The following CISD2 variants were observed in gnomAD, a reference collection of about 807,000 sequenced individuals.
CISD2 encodes the protein CDGSH iron sulfur domain 2, also known as CDGSH iron-sulfur domain-containing protein 2.
A neutral mutation model predicts 12.9 loss-of-function variants in CISD2; 1 was observed. The ratio of observed to expected loss-of-function variants is 0.08; its 90% CI spans 0.03 to 0.37. CISD2 has a LOEUF of 0.37. Among genes scored for constraint, CISD2 ranks in the 10% least tolerant of loss-of-function variants. The pLI is 0.99. For synonymous variants in CISD2, 50 were observed against 60.6 expected, an observed-to-expected ratio of 0.83 and a Z score of 0.81; for missense variants, 97 against 163.1, an observed-to-expected ratio of 0.59 and a Z score of 2.21.
chr4:102,876,529 C>G (rs1733596653), intron 1 of CISD2, among the ~76,000 whole-genome samples: 1 of 152,158 alleles, frequency 6.6e-6, no homozygotes, highest in South Asian at 2.1e-4. Flanking sequence ...GTGGGCAGAT[C>G]ATGAGGTCAG....
chr4:102,891,944 T>C lies in CISD2; in HGVS notation c.*4514T>C, dbSNP rs1179705949. ...GTATAGAATATGCCCAAAGCTGTTT[T>C]GTTTTGTTTTAACTATGCTTCATCA... On this transcript the variant is annotated 3_prime_UTR_variant, in exon 3 of 3. Transcript: ENST00000273986. 6.6e-6 allele frequency: 1 copy of C among 152,216 alleles called. No homozygotes were observed. The highest frequency in any genetic ancestry group is 1.9e-4 in the East Asian group (1 of 5,198). The allele number at this position is 152,216 out of a possible 1,614,324, so 9.4% of individuals were successfully genotyped here. A position where few individuals can be genotyped will look rare whatever the true frequency, so the allele number is the denominator to read the frequency against.
At chr4:102,880,817 A>T (rs1456160554) in intron 1 of CISD2, among the ~76,000 whole-genome samples, 2 of 151,856 alleles carry the variant, frequency 1.3e-5, no homozygotes, top group Non-Finnish European at 2.9e-5. Flanking sequence ...ACACGGTGAA[A>T]CCCCATCTCT....
intron 1 of CISD2, among the ~76,000 whole-genome samples, chr4:102,880,988 C>T (rs1200789442): frequency 7.0e-6 from 1 of 143,300 alleles, no homozygotes; most frequent in Non-Finnish European, 1.5e-5. Context: ...GAGACGCTGT[C>T]TCAAAAAAAA....
At chr4:102,880,890 G>T (rs900126119) in intron 1 of CISD2, among the ~76,000 whole-genome samples, 2 of 151,332 alleles carry the variant, frequency 1.3e-5, no homozygotes, top group Non-Finnish European at 2.9e-5. Context: ...TACTCGGGAG[G>T]TCACTGAGGC....
chr4:102,885,317 A>G lies in CISD2; in HGVS notation c.205A>G (p.Ser69Gly). The stretch of plus-strand genomic sequence containing the variant: ...CCCGAAGAAGAAACAACAGAAGGAT[A>G]GCTTGATTAATCTTAAAATACAAAA... Reference protein sequence around the residue: ...FLPKKKQQKDSLINLKIQKEN... With the variant: ...FLPKKKQQKDGLINLKIQKEN... The change falls in exon 2 of 3, where the codon AGC becomes GGC. Residue 69 changes from serine (S) to glycine (G), a missense_variant. Physicochemically the swap from Ser to Gly is moderately conservative, Grantham distance 56. Around this residue, in one of 2 missense-constraint regions of CISD2, gnomAD observed 89 missense variants for 114.4 expected, o/e 0.78. Coordinates refer to ENST00000273986, the MANE Select transcript of CISD2 (RefSeq NM_001008388.5). The G allele has an allele frequency of 6.2e-7, 1 of 1,614,068 alleles. No individual in the cohort carries two copies. Among genetic ancestry groups the G allele is most frequent in the Non-Finnish European group, 8.5e-7 (1 of 1,179,906 alleles).
intron 1 of CISD2, among the ~76,000 whole-genome samples, chr4:102,880,653 G>T (rs1299995236): frequency 6.6e-6 from 1 of 151,778 alleles, no homozygotes; most frequent in Non-Finnish European, 1.5e-5. Flanking sequence ...ACATCAGCCT[G>T]GGTGACAGAG....
intron 1 of CISD2, chr4:102,874,676 G>C (rs1447500394): frequency 2.0e-5 from 3 of 152,162 alleles, no homozygotes; most frequent in Non-Finnish European, 4.4e-5. Flanking sequence ...AGAACTGTGA[G>C]TGAATACGTT....
At chr4:102,875,778 T>C (rs1458784260) in intron 1 of CISD2, among the ~76,000 whole-genome samples, 2 of 152,222 alleles carry the variant, frequency 1.3e-5, no homozygotes, top group Non-Finnish European at 2.9e-5. Flanking sequence ...AATGCATTAA[T>C]AGTTTGAATT....
chr4:102,892,178 C>T lies in CISD2; in HGVS notation c.*4748C>T, dbSNP rs1414107526. 1.3e-5 allele frequency: 2 copies of T among 152,214 alleles called. No individual in the cohort carries two copies. Among genetic ancestry groups the T allele is most frequent in the African/African-American group, 4.8e-5 (2 of 41,428 alleles). The allele number at this position is 152,214 out of a possible 1,614,324, so 9.4% of individuals were successfully genotyped here. A position where few individuals can be genotyped will look rare whatever the true frequency, so the allele number is the denominator to read the frequency against. Reference sequence around the variant, plus strand: ...TGCTCAAGCGATCCTCCCACCTCAGCCTCCCAAGTAGCTGAGACTACAGTC... The same window carrying T: ...TGCTCAAGCGATCCTCCCACCTCAGTCTCCCAAGTAGCTGAGACTACAGTC... On this transcript the variant is annotated 3_prime_UTR_variant, in exon 3 of 3. Coordinates refer to ENST00000273986, the MANE Select transcript of CISD2 (RefSeq NM_001008388.5).
chr4:102,873,139 A>G (rs551622031), intron 1 of CISD2, among the ~76,000 whole-genome samples: 1 of 152,196 alleles, frequency 6.6e-6, no homozygotes, highest in Non-Finnish European at 1.5e-5. Context: ...TAATCCAATT[A>G]CCTCCACCTG....
rs1252798971 is a variant in CISD2, at chr4:102,891,202, T to A, written c.*3772T>A. On this transcript the variant is annotated 3_prime_UTR_variant, in exon 3 of 3. Coordinates refer to ENST00000273986, the MANE Select transcript of CISD2 (RefSeq NM_001008388.5). ...TTGAAAAAGTCTTCTTTTTAAAAAATTTTTAATGGTAGAGGCAGCAGCTAC... is the reference window on the plus strand; with the variant it reads ...TTGAAAAAGTCTTCTTTTTAAAAAAATTTTAATGGTAGAGGCAGCAGCTAC... 6.8e-6 allele frequency: 1 copy of A among 146,942 alleles called. No individual in the cohort carries two copies. Among genetic ancestry groups the A allele is most frequent in the Non-Finnish European group, 1.5e-5 (1 of 67,906 alleles). 9.1% of individuals were successfully genotyped at this position (146,942 alleles called of 1,614,324 possible). A position where few individuals can be genotyped will look rare whatever the true frequency, so the allele number is the denominator to read the frequency against.
At chr4:102,871,368 A>C (rs1733442472) in intron 1 of CISD2, among the ~76,000 whole-genome samples, 1 of 152,194 alleles carries the variant, frequency 6.6e-6, no homozygotes, top group Non-Finnish European at 1.5e-5. Flanking sequence ...GTTGTTAAAT[A>C]TTTAATATGA....
intron 1 of CISD2, among the ~76,000 whole-genome samples, chr4:102,870,984 A>T (rs1374972143): frequency 6.6e-6 from 1 of 152,184 alleles, no homozygotes; most frequent in African/African-American, 2.4e-5. Context: ...TAGCAATACC[A>T]GGCCAAAACG....
chr4:102,869,294 C>T (rs1733353228), intron 1 of CISD2, 107 bp downstream of exon 1: 1 of 1,426,748 alleles, frequency 7.0e-7, no homozygotes, highest in Non-Finnish European at 9.6e-7. Context: ...CGGCGCCTGG[C>T]ACGTGATCCC....
chr4:102,885,312 A>G lies in CISD2; in HGVS notation c.200A>G (p.Lys67Arg). 6.2e-7 allele frequency: 1 copy of G among 1,614,106 alleles called. No individual in the cohort carries two copies. The highest frequency in any genetic ancestry group is 2.2e-5 in the East Asian group (1 of 44,874). Residue 67 changes from lysine (K) to arginine (R), a missense_variant, in exon 2 of 3, where the codon AAG becomes AGG. Transcript: ENST00000273986. ...RPFLPKKKQQ[K>R]DSLINLKIQK... ...TTCCTCCCGAAGAAGAAACAACAGA[A>G]GGATAGCTTGATTAATCTTAAAATA... is the stretch of plus-strand genomic sequence containing the variant.
chr4:102,875,411 CAG>C (rs1323806663), intron 1 of CISD2, among the ~76,000 whole-genome samples: 10 of 152,366 alleles, frequency 6.6e-5, no homozygotes, highest in Admixed American at 6.5e-4. Flanking sequence ...TCCTTTCTAA[CAG>C]GGAGTGTGTT....
intron 2 of CISD2, 70 bp from the exon 3 acceptor site, chr4:102,887,271 A>G: frequency 1.1e-6 from 1 of 936,732 alleles, no homozygotes; most frequent in Middle Eastern, 3.2e-4. Context: ...TTCTGAGAGC[A>G]TTTCACAAAT....
intron 1 of CISD2, among the ~76,000 whole-genome samples, chr4:102,880,885 G>A (rs1004608962): frequency 6.6e-6 from 1 of 151,562 alleles, no homozygotes; most frequent in Non-Finnish European, 1.5e-5. Flanking sequence ...CCAGCTACTC[G>A]GGAGGTCACT....
rs1208159123 is a variant in CISD2 at position 102,888,895 on chromosome 4, C to T, written c.*1465C>T. The T allele has an allele frequency of 6.6e-6, 1 of 152,252 alleles. No individual in the cohort carries two copies. 9.4% of individuals were successfully genotyped at this position (152,252 alleles called of 1,614,324 possible). ...CTGCTTAGTTGAGAAAAGACAAATA[C>T]AAAAGCTTTTCTTTAGTCTATTTAA... On this transcript the variant is annotated 3_prime_UTR_variant, in exon 3 of 3. Coordinates refer to ENST00000273986, the MANE Select transcript of CISD2 (RefSeq NM_001008388.5).
Sources: gnomAD v4.1 joint callset for allele counts (sites outside exome capture counted in the v4.1 genomes callset) on GRCh38, gnomAD v4.1.1 for gene constraint, gnomAD v4.1.1 regional missense constraint, MANE v1.5 for transcripts, NCBI Gene and HGNC (gene_info 2026-07-23, HGNC 2026-07-21) for gene names.